Variants in NR6A1 observed in about 807,000 individuals in gnomAD.
NR6A1 encodes the protein nuclear receptor subfamily 6 group A member 1.
A neutral mutation model predicts 59.1 loss-of-function variants in NR6A1; 7 were observed. That is an observed-to-expected ratio of 0.12 (90% CI 0.07 to 0.22). The LOEUF (loss-of-function observed/expected upper bound fraction) is 0.22. Ranked by LOEUF, NR6A1 falls within the 10% of genes least tolerant of loss-of-function variation. NR6A1 has a pLI of 1.00. For missense variants in NR6A1, 468 were observed against 611.6 expected (o/e 0.77, Z 2.48); for synonymous variants, 243 against 236.1 (o/e 1.03, Z -0.27).
intron 2 of NR6A1, among the ~76,000 whole-genome samples, chr9:124,609,653 A>G (rs1835682278): frequency 1.3e-5 from 2 of 152,302 alleles, no homozygotes; most frequent in Non-Finnish European, 2.9e-5. Flanking sequence ...AAGAATGTCA[A>G]TGGTAGTTTA....
intron 2 of NR6A1, among the ~76,000 whole-genome samples, chr9:124,707,503 A>G (rs551200489): frequency 1.3e-5 from 2 of 150,798 alleles, no homozygotes; most frequent in African/African-American, 4.9e-5. Context: ...TCACTCAGAG[A>G]CAGTTTCTAC....
chr9:124,760,611 G>A (rs2131194911), intron 1 of NR6A1, among the ~76,000 whole-genome samples: 1 of 152,282 alleles, frequency 6.6e-6, no homozygotes, highest in Non-Finnish European at 1.5e-5. Flanking sequence ...AATTATTAAT[G>A]CTGTTACTAG....
rs986444660 is a variant in NR6A1, at chr9:124,746,069, A to G, written c.101-12720T>C. 2.8e-4 allele frequency among the ~76,000 whole-genome samples: 41 copies of G among 148,932 alleles called. No individual in the cohort carries two copies. In the East Asian group the frequency reaches 4.3e-3, roughly 16 times the overall value. ...CAATCAACAGCTTCAACTGAAGGGG[A>G]AAAAAAAAACTACCATTCTCTAAAT... On this transcript the variant is annotated intron_variant, in intron 1 of 9. Transcript: ENST00000487099.
intron 2 of NR6A1, among the ~76,000 whole-genome samples, chr9:124,688,886 G>T (rs1333170891): frequency 1.3e-5 from 2 of 152,130 alleles, no homozygotes; most frequent in African/African-American, 4.8e-5. Context: ...ATTAGATAGG[G>T]AGAGTTTTAA....
chr9:124,541,285 AAAAAC>A (rs1833434175), intron 4 of NR6A1, among the ~76,000 whole-genome samples: 1 of 152,192 alleles, frequency 6.6e-6, no homozygotes, highest in Non-Finnish European at 1.5e-5. Context: ...GGAACAGAAA[AAAAAC>A]AAAACAAAAC....
intron 1 of NR6A1, among the ~76,000 whole-genome samples, chr9:124,742,797 AC>A (rs1256469770): frequency 6.6e-6 from 1 of 151,872 alleles, no homozygotes; most frequent in Non-Finnish European, 1.5e-5. Flanking sequence ...AATCACGTGA[AC>A]CCGGGAAGTA....
intron 2 of NR6A1, among the ~76,000 whole-genome samples, chr9:124,728,277 C>A (rs1176491914): frequency 6.6e-6 from 1 of 151,944 alleles, no homozygotes; most frequent in Non-Finnish European, 1.5e-5. Flanking sequence ...GATCCACCCA[C>A]CTTGGCCTCC....
intron 2 of NR6A1, among the ~76,000 whole-genome samples, chr9:124,696,484 A>G (rs1408667294): frequency 5.9e-5 from 9 of 152,016 alleles, no homozygotes; most frequent in Non-Finnish European, 8.8e-5. Context: ...ATACTTAGAG[A>G]AAATAACATC....
At chr9:124,734,381 A>T (rs942507224) in intron 1 of NR6A1, among the ~76,000 whole-genome samples, 6 of 152,134 alleles carry the variant, frequency 3.9e-5, no homozygotes, top group Non-Finnish European at 5.9e-5. Context: ...GTAGTATTTC[A>T]CCAGTAAATT....
intron 7 of NR6A1, among the ~76,000 whole-genome samples, chr9:124,533,654 C>A (rs1473902253): frequency 6.6e-6 from 1 of 151,324 alleles, no homozygotes; most frequent in Non-Finnish European, 1.5e-5. Context: ...GATAGGGGCA[C>A]CTTTTTTTTT....
intron 2 of NR6A1, among the ~76,000 whole-genome samples, chr9:124,583,851 G>T (rs1034482186): frequency 6.6e-6 from 1 of 152,124 alleles, no homozygotes; most frequent in African/African-American, 2.4e-5. Flanking sequence ...TGAGCACTCT[G>T]CCCTCTGCAC....
chr9:124,733,241 T>G (rs1325431789), intron 2 of NR6A1, 67 bp downstream of exon 2: 1 of 1,123,634 alleles, frequency 8.9e-7, no homozygotes, highest in Non-Finnish European at 1.4e-6. Flanking sequence ...CCTTAAGTTA[T>G]TCACTTAAAA....
chr9:124,676,027 G>T (rs898588772), intron 2 of NR6A1, among the ~76,000 whole-genome samples: 1 of 152,082 alleles, frequency 6.6e-6, no homozygotes, highest in African/African-American at 2.4e-5. Flanking sequence ...CTAAGAGAAG[G>T]GTTTTCTTGC....
chr9:124,587,848 C>T (rs1237079081), intron 2 of NR6A1, among the ~76,000 whole-genome samples: 1 of 152,182 alleles, frequency 6.6e-6, no homozygotes, highest in African/African-American at 2.4e-5. Flanking sequence ...GGTTCTGCTT[C>T]CCTAAGGCGC....
chr9:124,638,452 T>C (rs948428679), intron 2 of NR6A1, among the ~76,000 whole-genome samples: 16 of 152,102 alleles, frequency 1.1e-4, no homozygotes, highest in African/African-American at 3.9e-4. Flanking sequence ...GCATTTGACA[T>C]CAATAGCTAT....
At chr9:124,550,792 T>C (rs1339076284) in intron 3 of NR6A1, among the ~76,000 whole-genome samples, 1 of 152,168 alleles carries the variant, frequency 6.6e-6, no homozygotes, top group African/African-American at 2.4e-5. Context: ...TGCCTTGGCC[T>C]CCCAAAGTGC....
At chr9:124,741,782 C>T (rs184712632) in intron 1 of NR6A1, among the ~76,000 whole-genome samples, 1 of 152,320 alleles carries the variant, frequency 6.6e-6, no homozygotes, top group East Asian at 1.9e-4. Context: ...GGCACCATTA[C>T]TTACTAATTG....
chr9:124,708,787 T>C (rs535196910), intron 2 of NR6A1, among the ~76,000 whole-genome samples: 2 of 152,274 alleles, frequency 1.3e-5, no homozygotes, highest in South Asian at 4.1e-4. Context: ...ACCAGTTAGG[T>C]ACTCAAATAG....
chr9:124,769,282 A>G (rs1463402742), intron 1 of NR6A1, among the ~76,000 whole-genome samples: 1 of 151,602 alleles, frequency 6.6e-6, no homozygotes, highest in African/African-American at 2.4e-5. Context: ...CTCTGAAAAC[A>G]CATCATTATT....
Sources: gnomAD v4.1 joint callset for allele counts (sites outside exome capture counted in the v4.1 genomes callset) on GRCh38, gnomAD v4.1.1 for gene constraint, MANE v1.5 for transcripts, NCBI Gene and HGNC (gene_info 2026-07-23, HGNC 2026-07-21) for gene names.